Variants in FAM98A observed in about 807,000 individuals in gnomAD.
FAM98A encodes the protein tRNA splicing ligase complex subunit 3A, also known as protein FAM98A.
Under a neutral mutation model 62.9 loss-of-function variants are expected in FAM98A, and 25 were observed. That is an observed-to-expected ratio of 0.40 (90% CI 0.29 to 0.56). The LOEUF is 0.56. Among genes scored for constraint, FAM98A ranks in the 20% least tolerant of loss-of-function variants. FAM98A has a pLI of 0.51. For missense variants in FAM98A, 653 were observed against 640.7 expected (o/e 1.02, Z -0.21); for synonymous variants, 252 against 228.6 (o/e 1.10, Z -0.92).
intron 5 of FAM98A, 80 bp from the exon 6 acceptor site, chr2:33,586,758 G>A: frequency 1.2e-6 from 1 of 845,810 alleles, no homozygotes; most frequent in East Asian, 2.4e-5. Context: ...CTACGTCTGT[G>A]TCATTCATAA....
intron 1 of FAM98A, among the ~76,000 whole-genome samples, chr2:33,595,924 C>G (rs1399723601): frequency 6.6e-6 from 1 of 152,054 alleles, no homozygotes; most frequent in Non-Finnish European, 1.5e-5. Flanking sequence ...TTACTAAAAG[C>G]TTCCATTGTA....
At chr2:33,588,542 T>G in intron 3 of FAM98A, 23 bp from the exon 4 acceptor site, 2 of 1,599,466 alleles carry the variant, frequency 1.3e-6, no homozygotes, top group Non-Finnish European at 1.7e-6. Flanking sequence ...AAATAAGATT[T>G]CAAAATGAGA....
At position 33,584,596 on chromosome 2, in the gene FAM98A, T is replaced by G; in HGVS notation, c.*180A>C. 1.7e-6 allele frequency: 1 copy of G among 582,282 alleles called. No homozygotes were observed. The highest frequency in any genetic ancestry group is 3.0e-6 in the Non-Finnish European group (1 of 334,428). The allele number at this position is 582,282 out of a possible 1,614,324, so 36.1% of individuals were successfully genotyped here. On this transcript the variant is annotated 3_prime_UTR_variant, in exon 8 of 8. Coordinates refer to ENST00000238823, the MANE Select transcript of FAM98A (RefSeq NM_015475.5). ...TTATGTGTTTCTCAAATAAACGGCA[T>G]TATGTAAGTCCAATAAAAAAATCTA...
intron 2 of FAM98A, among the ~76,000 whole-genome samples, chr2:33,593,902 A>G (rs988317978): frequency 2.0e-5 from 3 of 152,180 alleles, no homozygotes; most frequent in Non-Finnish European, 4.4e-5. Flanking sequence ...TAGAGGTATC[A>G]TCTAGTACTG....
chr2:33,597,463 A>C (rs1158645654), intron 1 of FAM98A, among the ~76,000 whole-genome samples: 2 of 152,226 alleles, frequency 1.3e-5, no homozygotes, highest in East Asian at 3.8e-4. Flanking sequence ...TAAGGTTAAA[A>C]TTTATAACAG....
At position 33,587,901 on chromosome 2, in the gene FAM98A, T is replaced by C. The variant is rs17013436; in HGVS notation, c.522+434A>G. On this transcript the variant is annotated intron_variant, in intron 4 of 7. Transcript: ENST00000238823. ...CAAATCTATTTTGTCAATTGAAGCA[T>C]GAGGTTTGAAGTGACTGGATTAAAA... is the stretch of plus-strand genomic sequence containing the variant. 8.8e-3 allele frequency among the ~76,000 whole-genome samples: 1,332 copies of C among 151,246 alleles called. 23 individuals carry two copies. The highest frequency in any genetic ancestry group is 0.031 in the African/African-American group (1,264 of 41,152).
At chr2:33,586,338 A>C (rs1368083110) in intron 6 of FAM98A, among the ~76,000 whole-genome samples, 2 of 152,256 alleles carry the variant, frequency 1.3e-5, no homozygotes, top group East Asian at 3.8e-4. Context: ...CTCTCCAATA[A>C]GAACTGTAAA....
In FAM98A at chr2:33,584,721, T is replaced by C; in HGVS notation, c.*55A>G. ...TCAAAATAGGTGCTGAATTCAGGAT[T>C]CTGAAACTAAGTTTCTATTACTTGA... On this transcript the variant is annotated 3_prime_UTR_variant, in exon 8 of 8. Coordinates refer to ENST00000238823, the MANE Select transcript of FAM98A (RefSeq NM_015475.5). 6.8e-7 allele frequency: 1 copy of C among 1,464,928 alleles called. No homozygotes were observed. Among genetic ancestry groups the C allele is most frequent in the Non-Finnish European group, 9.3e-7 (1 of 1,078,672 alleles). The allele number at this position is 1,464,928 out of a possible 1,614,324, so 90.7% of individuals were successfully genotyped here. A position where few individuals can be genotyped will look rare whatever the true frequency, so the allele number is the denominator to read the frequency against.
rs1677492098 is a variant in FAM98A, at chr2:33,584,652, A to T, written c.*124T>A. 3.7e-6 allele frequency: 3 copies of T among 807,404 alleles called. No homozygotes were observed. The highest frequency in any genetic ancestry group is 4.0e-6 in the Non-Finnish European group (2 of 496,948). 50.0% of individuals were successfully genotyped at this position (807,404 alleles called of 1,614,324 possible). ...ATTGAATGAAGACCTACAAATGCTT[A>T]TGCCAAGCAGGAATCTGCCTGCCAC... On this transcript the variant is annotated 3_prime_UTR_variant, in exon 8 of 8. Transcript: ENST00000238823.
chr2:33,591,345 A>G (rs960395064), intron 3 of FAM98A, among the ~76,000 whole-genome samples: 1 of 152,208 alleles, frequency 6.6e-6, no homozygotes, highest in African/African-American at 2.4e-5. Context: ...AGCTTAATGT[A>G]AATGTGCTTC....
At chr2:33,591,547 T>C (rs1482416865) in intron 3 of FAM98A, among the ~76,000 whole-genome samples, 1 of 152,136 alleles carries the variant, frequency 6.6e-6, no homozygotes, top group East Asian at 1.9e-4. Flanking sequence ...ACCAGAACAA[T>C]GCAAGTATTA....
intron 1 of FAM98A, among the ~76,000 whole-genome samples, chr2:33,595,974 A>T (rs1450973354): frequency 6.6e-6 from 1 of 152,232 alleles, no homozygotes; most frequent in Non-Finnish European, 1.5e-5. Context: ...TTGAGTATTA[A>T]AAGCAAATTA....
chr2:33,594,453 T>C (rs1403227400), intron 2 of FAM98A, among the ~76,000 whole-genome samples: 7 of 143,698 alleles, frequency 4.9e-5, no homozygotes, highest in Admixed American at 4.4e-4. Flanking sequence ...GACAGGTCAA[T>C]AGGTGTAGCA....
intron 1 of FAM98A, among the ~76,000 whole-genome samples, chr2:33,596,615 G>C (rs1336314532): frequency 5.9e-5 from 9 of 152,158 alleles, no homozygotes; most frequent in Admixed American, 5.9e-4. Flanking sequence ...GTTTAGGCCA[G>C]GCGTGGTGGC....
chr2:33,595,324 G>T (rs1334851806), intron 2 of FAM98A, among the ~76,000 whole-genome samples, 165 bp downstream of exon 2: 52 of 151,958 alleles, frequency 3.4e-4, no homozygotes, highest in Admixed American at 3.4e-3. Flanking sequence ...TTCAACTTCT[G>T]AATCACCTCT....
intron 3 of FAM98A, among the ~76,000 whole-genome samples, chr2:33,591,252 C>G (rs544206093): frequency 2.0e-5 from 3 of 151,228 alleles, no homozygotes; most frequent in South Asian, 2.1e-4. Context: ...TTTCAGAAAC[C>G]ATAATAGAGT....
intron 4 of FAM98A, 174 bp from the exon 5 acceptor site, chr2:33,587,494 A>G (rs1677583109): frequency 3.4e-6 from 2 of 596,404 alleles, no homozygotes; most frequent in East Asian, 5.8e-5. Context: ...CACTGGTCCC[A>G]CTCCTCACGC....
chr2:33,584,064 T>C lies in FAM98A; in HGVS notation c.*712A>G, dbSNP rs1651934647. The C allele has an allele frequency of 6.6e-6, 1 of 152,670 alleles. No homozygotes were observed. The highest frequency in any genetic ancestry group is 2.1e-4 in the South Asian group (1 of 4,836). The allele number at this position is 152,670 out of a possible 1,614,324, so 9.5% of individuals were successfully genotyped here. A position where few individuals can be genotyped will look rare whatever the true frequency, so the allele number is the denominator to read the frequency against. Reference sequence around the variant, plus strand: ...TTGTTTTGGATGGATGCAGGTCAGTTTGAATTGCTATACTTAACTAAATGC... The same window carrying C: ...TTGTTTTGGATGGATGCAGGTCAGTCTGAATTGCTATACTTAACTAAATGC... On this transcript the variant is annotated 3_prime_UTR_variant, in exon 8 of 8. Transcript: ENST00000238823.
At position 33,595,656 on chromosome 2, in the gene FAM98A, C is replaced by G; in HGVS notation, c.54-19G>C. On this transcript the variant is annotated intron_variant, in intron 1 of 7. Transcript: ENST00000238823. Reference sequence around the variant, plus strand: ...CTTGTAACTGGTGAGCAAGAAATTACATTTCAGAAGAAAATACAATCATAC... The same window carrying G: ...CTTGTAACTGGTGAGCAAGAAATTAGATTTCAGAAGAAAATACAATCATAC... 6.4e-7 allele frequency: 1 copy of G among 1,559,694 alleles called. No individual in the cohort carries two copies. The highest frequency in any genetic ancestry group is 8.6e-7 in the Non-Finnish European group (1 of 1,160,262).
Sources: allele counts gnomAD v4.1 joint callset (sites outside exome capture counted in the v4.1 genomes callset), GRCh38; gene constraint gnomAD v4.1.1; transcripts MANE v1.5; gene names NCBI Gene and HGNC (gene_info 2026-07-23, HGNC 2026-07-21).